Variants in TMCO4 observed in about 807,000 individuals in gnomAD.
TMCO4 encodes the protein transmembrane and coiled-coil domain-containing protein 4.
A neutral mutation model predicts 64.7 loss-of-function variants in TMCO4; 58 were observed. That is an observed-to-expected ratio of 0.90 (90% CI 0.73 to 1.12). The LOEUF (loss-of-function observed/expected upper bound fraction) is 1.12. Among genes scored for constraint, TMCO4 ranks in the 50% most tolerant of loss-of-function variants. The pLI, the probability that TMCO4 is intolerant of heterozygous loss-of-function variation, is 0.00. For synonymous variants in TMCO4, 325 were observed against 346.1 expected (o/e 0.94, Z 0.68); for missense variants, 780 against 825.9 (o/e 0.94, Z 0.68).
At chr1:19,720,005 ATTTTTTTTT>A (rs56755114) in intron 13 of TMCO4, among the ~76,000 whole-genome samples, 1 of 116,956 alleles carries the variant, frequency 8.6e-6, no homozygotes, top group Non-Finnish European at 1.7e-5. Flanking sequence ...AAGGAAAATA[ATTTTTTTTT>A]TTTTTTTTTT....
intron 6 of TMCO4, among the ~76,000 whole-genome samples, chr1:19,769,176 G>A (rs987253850): frequency 6.6e-6 from 1 of 152,184 alleles, no homozygotes. Context: ...CTGAGACAGA[G>A]TCCCAGTCCC....
intron 6 of TMCO4, among the ~76,000 whole-genome samples, chr1:19,759,824 CA>C (rs2042419695): frequency 6.6e-6 from 1 of 152,232 alleles, no homozygotes; most frequent in South Asian, 2.1e-4. Flanking sequence ...GTCTGTCCCA[CA>C]AGGGCAGCGA....
chr1:19,727,016 C>T (rs943172803), intron 13 of TMCO4, among the ~76,000 whole-genome samples: 4 of 152,178 alleles, frequency 2.6e-5, no homozygotes, highest in Admixed American at 6.5e-5. Context: ...TCTCCTCAGA[C>T]GCCTTACAGA....
At chr1:19,786,767 G>T (rs1243823694) in intron 3 of TMCO4, among the ~76,000 whole-genome samples, 1 of 152,202 alleles carries the variant, frequency 6.6e-6, no homozygotes, top group East Asian at 1.9e-4. Flanking sequence ...AAAAGTAGTC[G>T]AACATCTCTA....
At chr1:19,741,298 G>A (rs76806135) in intron 10 of TMCO4, among the ~76,000 whole-genome samples, 1,738 of 152,330 alleles carry the variant, frequency 0.011, 42 homozygotes, top group African/African-American at 0.04. Flanking sequence ...TATATGTAAA[G>A]GGTTATTTTC....
At chr1:19,729,441 C>T (rs186683413) in intron 13 of TMCO4, among the ~76,000 whole-genome samples, 13 of 150,524 alleles carry the variant, frequency 8.6e-5, no homozygotes, top group East Asian at 4.0e-4. Flanking sequence ...AGCCACAGTG[C>T]CCAGCCAATA....
chr1:19,726,413 G>A (rs778568719), intron 13 of TMCO4, among the ~76,000 whole-genome samples: 4 of 151,646 alleles, frequency 2.6e-5, no homozygotes, highest in Non-Finnish European at 5.9e-5. Context: ...GCAGTGAGCC[G>A]AGGTCGTGCC....
At chr1:19,718,670 A>T (rs1013125803) in intron 13 of TMCO4, among the ~76,000 whole-genome samples, 8 of 149,042 alleles carry the variant, frequency 5.4e-5, no homozygotes, top group African/African-American at 2.0e-4. Context: ...AAAAAAAGAG[A>T]GAGAGAAAAT....
At chr1:19,758,200 G>A (rs570055774) in intron 6 of TMCO4, among the ~76,000 whole-genome samples, 79 of 151,876 alleles carry the variant, frequency 5.2e-4, no homozygotes, top group Non-Finnish European at 9.8e-4. Flanking sequence ...CCTTGACCCA[G>A]GGTCCCCAGA....
intron 14 of TMCO4, among the ~76,000 whole-genome samples, chr1:19,699,123 G>T (rs770792092): frequency 1.3e-5 from 2 of 152,028 alleles, no homozygotes; most frequent in African/African-American, 2.4e-5. Flanking sequence ...ATGAACCTGG[G>T]GGGTGGAGCT....
rs1300858250 is a variant in TMCO4 at position 19,700,785 on chromosome 1, G to A, written c.1365C>T (p.Ile455=). ...GGACAGACCTGCAGTAGCCGTTGAT[G>A]ATCCTCCCGGACACCACCTTCCGGA... ...EPFRKVVSGR[I]INGYCRGDWL... Residue 455 remains isoleucine (I), a synonymous_variant, in exon 14 of 16, where the codon ATC becomes ATT. Coordinates refer to ENST00000294543, the MANE Select transcript of TMCO4 (RefSeq NM_181719.7). 7 of 1,614,154 alleles carry A rather than the reference G, an allele frequency of 4.3e-6. No individual in the cohort carries two copies. The highest frequency in any genetic ancestry group is 5.1e-6 in the Non-Finnish European group (6 of 1,179,982).
At chr1:19,695,823 C>T (rs1280211922) in intron 14 of TMCO4, among the ~76,000 whole-genome samples, 1 of 152,154 alleles carries the variant, frequency 6.6e-6, no homozygotes, top group Non-Finnish European at 1.5e-5. Flanking sequence ...CCTGCTGTGT[C>T]CCGAAGTGAG....
At chr1:19,755,240 C>T (rs2042192766) in intron 7 of TMCO4, among the ~76,000 whole-genome samples, 1 of 152,232 alleles carries the variant, frequency 6.6e-6, no homozygotes, top group South Asian at 2.1e-4. Flanking sequence ...ATTCTCCTGG[C>T]TCAGCCTCCC....
chr1:19,778,800 T>C (rs1430464716), intron 4 of TMCO4, among the ~76,000 whole-genome samples: 1 of 152,176 alleles, frequency 6.6e-6, no homozygotes, highest in African/African-American at 2.4e-5. Context: ...CTTTACCAGG[T>C]ATCTTTGCTA....
intron 15 of TMCO4, among the ~76,000 whole-genome samples, chr1:19,692,824 A>G (rs2095207120): frequency 6.6e-6 from 1 of 152,044 alleles, no homozygotes; most frequent in South Asian, 2.1e-4. Flanking sequence ...ATGGGAAGCT[A>G]TTAATTCCCT....
At chr1:19,798,008 GAAAAGAAAA>G in intron 2 of TMCO4, 120 bp downstream of exon 2, 1 of 170,474 alleles carries the variant, frequency 5.9e-6, no homozygotes, top group Non-Finnish European at 1.1e-5. Context: ...GAAAAGAAAA[GAAAAGAAAA>G]GGAGAAAGAA....
chr1:19,714,409 G>A (rs1191568748), intron 13 of TMCO4, among the ~76,000 whole-genome samples: 1 of 151,686 alleles, frequency 6.6e-6, no homozygotes, highest in Non-Finnish European at 1.5e-5. Context: ...TTAAATTTAT[G>A]TCTTTAAAAA....
intron 14 of TMCO4, 64 bp downstream of exon 14, chr1:19,700,704 C>A: frequency 7.3e-7 from 1 of 1,372,650 alleles, no homozygotes; most frequent in African/African-American, 1.4e-5. Context: ...CAACACAGAG[C>A]CTGGGCATAC....
chr1:19,770,519 C>T lies in TMCO4; in HGVS notation c.382+23G>A, dbSNP rs375074912. ...GGTGCAGATGGGTACCCACCATTTACAGAGCTTAGAAAATCAACTTACCAT... is the reference window on the plus strand; with the variant it reads ...GGTGCAGATGGGTACCCACCATTTATAGAGCTTAGAAAATCAACTTACCAT... On this transcript the variant is annotated intron_variant, in intron 6 of 15. Coordinates refer to ENST00000294543, the MANE Select transcript of TMCO4 (RefSeq NM_181719.7). 6.2e-6 allele frequency: 10 copies of T among 1,613,608 alleles called. 1 individual carries two copies. The highest frequency in any genetic ancestry group is 2.7e-5 in the African/African-American group (2 of 74,904).
Sources: allele counts gnomAD v4.1 joint callset (sites outside exome capture counted in the v4.1 genomes callset), GRCh38; gene constraint gnomAD v4.1.1; transcripts MANE v1.5; gene names NCBI Gene and HGNC (gene_info 2026-07-23, HGNC 2026-07-21).